Variants in ADAMTS2 observed in about 807,000 individuals in gnomAD.
ADAMTS2 encodes the protein ADAM metallopeptidase with thrombospondin type 1 motif 2, also known as A disintegrin and metalloproteinase with thrombospondin motifs 2.
ADAMTS2 carries 50 observed loss-of-function variants against 123.0 expected under a neutral mutation model. That is an observed-to-expected ratio of 0.41 (90% CI 0.32 to 0.51). The LOEUF (loss-of-function observed/expected upper bound fraction) is 0.51. ADAMTS2 is among the 20% of genes least tolerant of loss of function. ADAMTS2 has a pLI of 0.35. For synonymous variants in ADAMTS2, 678 were observed against 695.4 expected, an observed-to-expected ratio of 0.98 and a Z score of 0.39; for missense variants, 1,494 against 1,705.2, an observed-to-expected ratio of 0.88 and a Z score of 2.18.
intron 6 of ADAMTS2, 52 bp from the exon 7 acceptor site, chr5:179,154,971 G>C (rs943581413): frequency 6.6e-7 from 1 of 1,520,916 alleles, no homozygotes; most frequent in Non-Finnish European, 9.0e-7. Flanking sequence ...TGGCCGGGAA[G>C]GTGAGGCCTG....
At position 179,158,109 on chromosome 5, in the gene ADAMTS2, C is replaced by T. The variant is rs893950023; in HGVS notation, c.1132+614G>A. Among the ~76,000 whole-genome samples, 16 of 152,102 alleles carry T rather than the reference C, an allele frequency of 1.1e-4. No homozygotes were observed. Among genetic ancestry groups the T allele is most frequent in the African/African-American group, 2.9e-4 (12 of 41,502 alleles). On this transcript the variant is annotated intron_variant, in intron 6 of 21. Coordinates refer to ENST00000251582, the MANE Select transcript of ADAMTS2 (RefSeq NM_014244.5). This position sits in a 1 kb window ranked among gnomAD's most constrained non-coding sequence, Gnocchi z 5.0. Reference sequence around the variant, plus strand: ...CCTCCCGGGTAGCTGGGACTACAGGCGCCCGCCACCATGCCCTGCTAATTT... The same window carrying T: ...CCTCCCGGGTAGCTGGGACTACAGGTGCCCGCCACCATGCCCTGCTAATTT...
chr5:179,190,696 G>A (rs1010250243), intron 4 of ADAMTS2, among the ~76,000 whole-genome samples: 2 of 152,236 alleles, frequency 1.3e-5, no homozygotes, highest in South Asian at 4.1e-4. Context: ...GGACATGCGT[G>A]ACAAAAGTGA....
intron 3 of ADAMTS2, among the ~76,000 whole-genome samples, chr5:179,252,275 G>A (rs1765947000): frequency 6.6e-6 from 1 of 152,112 alleles, no homozygotes; most frequent in Non-Finnish European, 1.5e-5. Flanking sequence ...CTCCCAAAAT[G>A]CTGGGATTAT....
intron 3 of ADAMTS2, among the ~76,000 whole-genome samples, chr5:179,266,027 TCAC>T (rs1351800375): frequency 1.3e-5 from 2 of 152,242 alleles, no homozygotes; most frequent in South Asian, 2.1e-4. Flanking sequence ...AGAGCACCTA[TCAC>T]CACGCCAGAG....
At chr5:179,274,778 C>T (rs1253300171) in intron 2 of ADAMTS2, among the ~76,000 whole-genome samples, 1 of 152,260 alleles carries the variant, frequency 6.6e-6, no homozygotes, top group Admixed American at 6.5e-5. Flanking sequence ...TCCCGGCGCA[C>T]TCAGCCTGGG....
chr5:179,165,521 G>C (rs1355214079), intron 5 of ADAMTS2, among the ~76,000 whole-genome samples: 1 of 152,112 alleles, frequency 6.6e-6, no homozygotes, highest in African/African-American at 2.4e-5. Flanking sequence ...GCTGTGCTGA[G>C]GGGGGGACCA....
In ADAMTS2 at chr5:179,162,007, C is replaced by T. The variant is rs1763600091; in HGVS notation, c.976-3128G>A. ...GTGTGAGTGTCTCCATCCAGGACACCCAGCACAGCTCGGTAGCCTTGCTGG... is the reference window on the plus strand; with the variant it reads ...GTGTGAGTGTCTCCATCCAGGACACTCAGCACAGCTCGGTAGCCTTGCTGG... On this transcript the variant is annotated intron_variant, in intron 5 of 21. Coordinates refer to ENST00000251582, the MANE Select transcript of ADAMTS2 (RefSeq NM_014244.5). This position sits in a 1 kb window ranked among gnomAD's most constrained non-coding sequence, Gnocchi z 5.1. Among the ~76,000 whole-genome samples the T allele has an allele frequency of 6.6e-6, 1 of 152,098 alleles. No homozygotes were observed. Among genetic ancestry groups the T allele is most frequent in the Non-Finnish European group, 1.5e-5 (1 of 68,008 alleles).
intron 15 of ADAMTS2, among the ~76,000 whole-genome samples, chr5:179,131,013 G>T (rs1336548152): frequency 6.6e-6 from 1 of 152,140 alleles, no homozygotes; most frequent in East Asian, 1.9e-4. Context: ...GGTAGCAGTC[G>T]AAAGTTTCCT....
Position 179,325,027 on chromosome 5 carries a change from G to A in ADAMTS2, c.534+18740C>T, listed in dbSNP as rs532974540. 3.3e-5 allele frequency among the ~76,000 whole-genome samples: 5 copies of A among 152,336 alleles called. No individual in the cohort carries two copies. In the East Asian group the frequency reaches 5.8e-4, roughly 18 times the overall value. On this transcript the variant is annotated intron_variant, in intron 2 of 21. Coordinates refer to ENST00000251582, the MANE Select transcript of ADAMTS2 (RefSeq NM_014244.5). ...CACACCCCGACACACACTAGGCCCTGGTTCCTTCAAGTCCTTAGGTCATTT... is the reference window on the plus strand; with the variant it reads ...CACACCCCGACACACACTAGGCCCTAGTTCCTTCAAGTCCTTAGGTCATTT...
At chr5:179,116,029 C>T (rs1024372315) in intron 21 of ADAMTS2, among the ~76,000 whole-genome samples, 7 of 152,090 alleles carry the variant, frequency 4.6e-5, no homozygotes, top group African/African-American at 1.7e-4. Context: ...GCCTCTGCTG[C>T]CCACCCTGTC....
rs1324676862 is a variant in ADAMTS2 at position 179,115,072 on chromosome 5, T to A, written c.3179-748A>T. Among the ~76,000 whole-genome samples the A allele has an allele frequency of 2.0e-5, 3 of 152,148 alleles. No homozygotes were observed. Among genetic ancestry groups the A allele is most frequent in the African/African-American group, 7.2e-5 (3 of 41,438 alleles). ...CCCAAAGAAACGTGCTGCCCTCACA[T>A]AGATTAATCGTTCCACCCTGCACAT... On this transcript the variant is annotated intron_variant, in intron 21 of 21. Transcript: ENST00000251582. The surrounding 1 kb of genome is among the most constrained non-coding windows in gnomAD (Gnocchi z 4.4).
intron 5 of ADAMTS2, among the ~76,000 whole-genome samples, chr5:179,173,696 A>G (rs1235594156): frequency 1.3e-5 from 2 of 152,202 alleles, no homozygotes; most frequent in Non-Finnish European, 2.9e-5. Context: ...GGTCACAGAA[A>G]TGAATGTCTG....
rs1413536236 is a variant in ADAMTS2 at position 179,128,201 on chromosome 5, C to G, written c.2458-83G>C. On this transcript the variant is annotated intron_variant, in intron 16 of 21. Coordinates refer to ENST00000251582, the MANE Select transcript of ADAMTS2 (RefSeq NM_014244.5). This position sits in a 1 kb window ranked among gnomAD's most constrained non-coding sequence, Gnocchi z 4.9. ...CCAGCTTAGGAACGGCAGCTGAGGC[C>G]GACTCCAGAGGAGTCTCATCATTCA... 1 of 1,550,678 alleles carries G rather than the reference C, an allele frequency of 6.4e-7. No homozygotes were observed. The highest frequency in any genetic ancestry group is 1.4e-5 in the African/African-American group (1 of 73,818).
At chr5:179,233,196 A>C (rs959717872) in intron 3 of ADAMTS2, among the ~76,000 whole-genome samples, 1 of 152,236 alleles carries the variant, frequency 6.6e-6, no homozygotes, top group Admixed American at 6.5e-5. Context: ...TTTTGGAATA[A>C]AAAACTTCTG....
intron 2 of ADAMTS2, among the ~76,000 whole-genome samples, chr5:179,290,750 G>C (rs958562868): frequency 6.6e-6 from 1 of 152,188 alleles, no homozygotes; most frequent in Non-Finnish European, 1.5e-5. Flanking sequence ...CCTTTCCCTG[G>C]AGTGGAGGCG....
Position 179,169,085 on chromosome 5 carries a change from T to C in ADAMTS2, c.976-10206A>G, listed in dbSNP as rs529651019. Reference sequence around the variant, plus strand: ...GGGGCCTCCTGCTAGAATCTGAATGTTGTGTCCCCCACATTTGAAAGGTTG... The same window carrying C: ...GGGGCCTCCTGCTAGAATCTGAATGCTGTGTCCCCCACATTTGAAAGGTTG... On this transcript the variant is annotated intron_variant, in intron 5 of 21. Coordinates refer to ENST00000251582, the MANE Select transcript of ADAMTS2 (RefSeq NM_014244.5). Among the ~76,000 whole-genome samples the C allele has an allele frequency of 2.0e-5, 3 of 152,330 alleles. No individual in the cohort carries two copies. The South Asian group carries it at 6.2e-4, about 32-fold the overall frequency.
At position 179,332,663 on chromosome 5, in the gene ADAMTS2, G is replaced by A. The variant is rs1346497686; in HGVS notation, c.534+11104C>T. On this transcript the variant is annotated intron_variant, in intron 2 of 21. Transcript: ENST00000251582. The surrounding 1 kb of genome is among the most constrained non-coding windows in gnomAD (Gnocchi z 4.2). ...TCAGGGCCAGTGTGCTGGGATCAGTGGCCAGTGGCCAGCCATCGTGCAGAG... is the reference window on the plus strand; with the variant it reads ...TCAGGGCCAGTGTGCTGGGATCAGTAGCCAGTGGCCAGCCATCGTGCAGAG... Among the ~76,000 whole-genome samples the A allele has an allele frequency of 2.0e-5, 3 of 151,740 alleles. No homozygotes were observed. The highest frequency in any genetic ancestry group is 4.8e-5 in the African/African-American group (2 of 41,264).
intron 3 of ADAMTS2, among the ~76,000 whole-genome samples, chr5:179,253,631 G>A (rs1373644723): frequency 6.6e-6 from 1 of 150,472 alleles, no homozygotes; most frequent in Non-Finnish European, 1.5e-5. Flanking sequence ...GGGTAACAAA[G>A]TGAGACTCCA....
Position 179,272,541 on chromosome 5 carries a change from G to A in ADAMTS2, c.688+370C>T, listed in dbSNP as rs888476518. Among the ~76,000 whole-genome samples, 12 of 152,158 alleles carry A rather than the reference G, an allele frequency of 7.9e-5. No individual in the cohort carries two copies. Among genetic ancestry groups the A allele is most frequent in the African/African-American group, 1.4e-4 (6 of 41,444 alleles). On this transcript the variant is annotated intron_variant, in intron 3 of 21. Transcript: ENST00000251582. The surrounding 1 kb of genome is among the most constrained non-coding windows in gnomAD (Gnocchi z 5.8). ...TCTTCACAGGCACAGACTCAGAGAC[G>A]CAGGCACTGGACTCAGGCCTGGCCG...
Sources: gnomAD v4.1 joint callset for allele counts (sites outside exome capture counted in the v4.1 genomes callset) on GRCh38, gnomAD v4.1.1 for gene constraint, Gnocchi (gnomAD v3.1) non-coding constraint, MANE v1.5 for transcripts, NCBI Gene and HGNC (gene_info 2026-07-23, HGNC 2026-07-21) for gene names.